Variants in SRRM4 observed in about 807,000 individuals in gnomAD.
SRRM4 encodes serine/arginine repetitive matrix 4.
A neutral mutation model predicts 68.9 loss-of-function variants in SRRM4; 33 were observed. That is an observed-to-expected ratio of 0.48 (90% CI 0.36 to 0.64). The LOEUF (loss-of-function observed/expected upper bound fraction) is 0.64. SRRM4 is among the 30% of genes least tolerant of loss of function. SRRM4 has a pLI of 0.00. For synonymous variants in SRRM4, 318 were observed against 318.8 expected (o/e 1.00, Z 0.03); for missense variants, 817 against 827.1 (o/e 0.99, Z 0.15).
intron 1 of SRRM4, among the ~76,000 whole-genome samples, chr12:119,063,252 G>A (rs746941378): frequency 1.3e-5 from 2 of 152,158 alleles, no homozygotes; most frequent in Non-Finnish European, 1.5e-5. Flanking sequence ...GACTCCCATG[G>A]CCATGTATGC....
intron 1 of SRRM4, chr12:119,001,588 C>T (rs561797025): frequency 1.3e-5 from 2 of 152,258 alleles, no homozygotes; most frequent in Admixed American, 6.5e-5. Context: ...TAAATTTTCC[C>T]AAGCCTCACT....
chr12:119,063,692 C>A (rs1225162988), intron 1 of SRRM4, among the ~76,000 whole-genome samples: 1 of 152,200 alleles, frequency 6.6e-6, no homozygotes, highest in African/African-American at 2.4e-5. Flanking sequence ...AACAATTTTA[C>A]AAATGCTAGA....
intron 8 of SRRM4, among the ~76,000 whole-genome samples, chr12:119,139,353 C>T (rs1954350305): frequency 6.6e-6 from 1 of 152,194 alleles, no homozygotes; most frequent in Admixed American, 6.5e-5. Flanking sequence ...TCTTGGGCTT[C>T]CCTCAATTGT....
chr12:119,055,256 G>C (rs905442045), intron 1 of SRRM4, among the ~76,000 whole-genome samples: 22 of 152,124 alleles, frequency 1.4e-4, no homozygotes, highest in African/African-American at 5.3e-4. Context: ...TTCTGTGACA[G>C]ACAACCAAAT....
chr12:118,996,538 G>T (rs960988034), intron 1 of SRRM4, among the ~76,000 whole-genome samples: 2 of 152,176 alleles, frequency 1.3e-5, no homozygotes, highest in Middle Eastern at 3.2e-3. Flanking sequence ...TAAGGCCAAG[G>T]CAGGTAAAGT....
chr12:118,994,541 T>C (rs913603136), intron 1 of SRRM4, among the ~76,000 whole-genome samples: 3 of 152,216 alleles, frequency 2.0e-5, no homozygotes, highest in Admixed American at 2.0e-4. Flanking sequence ...CCTCCAATCC[T>C]CCAACCTAAG....
chr12:119,087,768 T>G (rs1420192561), intron 1 of SRRM4, among the ~76,000 whole-genome samples: 1 of 152,100 alleles, frequency 6.6e-6, no homozygotes, highest in South Asian at 2.1e-4. Flanking sequence ...CCAAAAACTG[T>G]GTAGACACAG....
intron 1 of SRRM4, among the ~76,000 whole-genome samples, chr12:119,036,627 T>C (rs778017850): frequency 6.6e-6 from 1 of 152,168 alleles, no homozygotes; most frequent in Non-Finnish European, 1.5e-5. Flanking sequence ...TGGAAGGAAA[T>C]GGATGACATC....
At chr12:119,084,747 G>A (rs1953969546) in intron 1 of SRRM4, among the ~76,000 whole-genome samples, 1 of 152,074 alleles carries the variant, frequency 6.6e-6, no homozygotes, top group Non-Finnish European at 1.5e-5. Flanking sequence ...TGCAATGGAG[G>A]GGGATTGTGC....
At chr12:119,034,688 T>C (rs1379272481) in intron 1 of SRRM4, among the ~76,000 whole-genome samples, 2 of 152,196 alleles carry the variant, frequency 1.3e-5, no homozygotes, top group Non-Finnish European at 2.9e-5. Context: ...TAGTATTGCA[T>C]CTTCCTTATG....
intron 1 of SRRM4, chr12:118,992,336 G>C (rs547892745): frequency 6.6e-6 from 1 of 152,108 alleles, no homozygotes; most frequent in Non-Finnish European, 1.5e-5. Flanking sequence ...ATGACATCCC[G>C]CCCCCTCAGG....
At chr12:119,116,778 T>A in intron 3 of SRRM4, 159 bp from the exon 4 acceptor site, 2 of 564,046 alleles carry the variant, frequency 3.5e-6, no homozygotes, top group Non-Finnish European at 6.3e-6. Flanking sequence ...CAATTAAAAA[T>A]TGCTTACAAA....
At chr12:119,096,440 T>C (rs925427419) in intron 1 of SRRM4, among the ~76,000 whole-genome samples, 5 of 152,192 alleles carry the variant, frequency 3.3e-5, no homozygotes, top group African/African-American at 1.2e-4. Context: ...TGCTGGCTCA[T>C]GGGTTTCTTT....
rs1342007193 is a variant in SRRM4 at position 119,125,582 on chromosome 12, G to T, written c.614+103G>T. 6.0e-6 allele frequency: 6 copies of T among 1,008,240 alleles called. No homozygotes were observed. In the African/African-American group the frequency reaches 6.4e-5, roughly 11 times the overall value. 62.5% of individuals were successfully genotyped at this position (1,008,240 alleles called of 1,614,324 possible). A position where few individuals can be genotyped will look rare whatever the true frequency, so the allele number is the denominator to read the frequency against. Reference sequence around the variant, plus strand: ...CTCCACACTTCCAGCACAGGGTTTGGCCCCCTTCCTCAGACTCAGCAGCTG... The same window carrying T: ...CTCCACACTTCCAGCACAGGGTTTGTCCCCCTTCCTCAGACTCAGCAGCTG... On this transcript the variant is annotated intron_variant, in intron 7 of 12. Coordinates refer to ENST00000267260, the MANE Select transcript of SRRM4 (RefSeq NM_194286.4).
intron 7 of SRRM4, among the ~76,000 whole-genome samples, chr12:119,127,225 T>A (rs575453383): frequency 3.9e-4 from 59 of 151,794 alleles, no homozygotes; most frequent in African/African-American, 1.1e-3. Context: ...TAAATAAATT[T>A]AAAAAAAAGA....
chr12:119,043,358 G>A (rs1953682015), intron 1 of SRRM4, among the ~76,000 whole-genome samples: 1 of 151,966 alleles, frequency 6.6e-6, no homozygotes, highest in Admixed American at 6.6e-5. Context: ...CTGGACACAG[G>A]GAGGGGAACA....
At chr12:119,065,400 G>C (rs571416144) in intron 1 of SRRM4, among the ~76,000 whole-genome samples, 16 of 152,244 alleles carry the variant, frequency 1.1e-4, no homozygotes, top group African/African-American at 3.6e-4. Context: ...ATTGAACTAT[G>C]TAGGACCTAA....
In SRRM4 at chr12:119,151,287, T is replaced by C; in HGVS notation, c.1280+67T>C. ...TTAGGAAATTAGTTAATTGCAGATG[T>C]CCTTTGACCCATGGGGGAGAGAAGT... is the stretch of plus-strand genomic sequence containing the variant. On this transcript the variant is annotated intron_variant, in intron 10 of 12. Transcript: ENST00000267260. 3.5e-6 allele frequency: 5 copies of C among 1,427,988 alleles called. No individual in the cohort carries two copies. The South Asian group carries it at 4.6e-5, about 13-fold the overall frequency. 88.5% of individuals were successfully genotyped at this position (1,427,988 alleles called of 1,614,324 possible).
intron 1 of SRRM4, among the ~76,000 whole-genome samples, chr12:119,086,649 G>A (rs530671253): frequency 2.6e-5 from 4 of 152,192 alleles, no homozygotes; most frequent in Non-Finnish European, 5.9e-5. Flanking sequence ...CCCTTCATGG[G>A]GAAGAGGGAG....
Sources: gnomAD v4.1 joint callset for allele counts (sites outside exome capture counted in the v4.1 genomes callset) on GRCh38, gnomAD v4.1.1 for gene constraint, MANE v1.5 for transcripts, NCBI Gene and HGNC (gene_info 2026-07-23, HGNC 2026-07-21) for gene names.